LINGO2: variants seen among roughly 807,000 people sequenced by gnomAD.
LINGO2 encodes leucine rich repeat and Ig domain containing 2, also known as leucine-rich repeat and immunoglobulin-like domain-containing nogo receptor-interacting protein 2.
In LINGO2, 14 loss-of-function variants were observed where a neutral mutation model predicts 30.6. The ratio of observed to expected loss-of-function variants is 0.46; its 90% confidence interval spans 0.30 to 0.72. The LOEUF (loss-of-function observed/expected upper bound fraction) is 0.72. Among genes scored for constraint, LINGO2 ranks in the 30% least tolerant of loss-of-function variants. The pLI is 0.07. For missense variants in LINGO2, 729 were observed against 751.7 expected (o/e 0.97, Z 0.35); for synonymous variants, 317 against 288.5 (o/e 1.10, Z -1.00).
the LINGO2 span, among the ~76,000 whole-genome samples, chr9:28,843,054 C>G: frequency 1.3e-5 from 2 of 151,850 alleles, no homozygotes; most frequent in African/African-American, 2.4e-5. Flanking sequence ...TGAACTACGA[C>G]AACTAATGAC....
chr9:28,706,483 A>G, the LINGO2 span, among the ~76,000 whole-genome samples: 1 of 152,182 alleles, frequency 6.6e-6, no homozygotes, highest in African/African-American at 2.4e-5. Context: ...TTTTTCAAAG[A>G]AAAATGGTAG....
In LINGO2 at chr9:28,056,270, C is replaced by T. The variant is rs111850378; in HGVS notation, c.-86-43865G>A. On this transcript the variant is annotated intron_variant, in intron 4 of 5. Coordinates refer to ENST00000379992, the Ensembl canonical transcript of LINGO2. The stretch of plus-strand genomic sequence containing the variant: ...ACTGCACTTGGGGCGTGACTGCCCT[C>T]GGCATTCCTTCTGGGTGGCAGACTC... 2.7e-3 allele frequency among the ~76,000 whole-genome samples: 409 copies of T among 152,210 alleles called. 4 individuals carry two copies. The highest frequency in any genetic ancestry group is 9.5e-3 in the African/African-American group (395 of 41,536).
At chr9:28,553,485 A>C (rs188289990) in intron 1 of LINGO2, among the ~76,000 whole-genome samples, 73 of 152,218 alleles carry the variant, frequency 4.8e-4, no homozygotes, top group African/African-American at 1.7e-3. Flanking sequence ...TCTCCAAGAA[A>C]TATGGGACTA....
the LINGO2 span, among the ~76,000 whole-genome samples, chr9:28,678,896 G>A: frequency 6.6e-6 from 1 of 151,714 alleles, no homozygotes; most frequent in Non-Finnish European, 1.5e-5. Flanking sequence ...TAATTAATCA[G>A]GTAAATAAAT....
At chr9:28,056,167 A>G (rs1824934456) in intron 4 of LINGO2, among the ~76,000 whole-genome samples, 1 of 152,154 alleles carries the variant, frequency 6.6e-6, no homozygotes. Context: ...GGAGCAGGTA[A>G]CGATTGGTCG....
intron 4 of LINGO2, among the ~76,000 whole-genome samples, chr9:28,106,829 A>T (rs1232902159): frequency 6.6e-6 from 1 of 152,210 alleles, no homozygotes; most frequent in Non-Finnish European, 1.5e-5. Context: ...AGAATTACAT[A>T]AAATAGCACA....
chr9:28,973,384 T>G, the LINGO2 span, among the ~76,000 whole-genome samples: 2 of 152,160 alleles, frequency 1.3e-5, no homozygotes, highest in East Asian at 1.9e-4. Context: ...GGTGATATGA[T>G]TTGGCTGTGT....
At chr9:29,159,197 A>T in the LINGO2 span, among the ~76,000 whole-genome samples, 2 of 152,160 alleles carry the variant, frequency 1.3e-5, no homozygotes, top group African/African-American at 4.8e-5. Context: ...AAGCATCAGG[A>T]ATGGGCAGAA....
Position 28,160,757 on chromosome 9 carries a change from C to A in LINGO2, c.-87+134451G>T, listed in dbSNP as rs1001286953. ...GGGAACAGTGTCTGGTAACAGCAGACAATAAATAGTTTCTAGATAAATGAA... is the reference window on the plus strand; with the variant it reads ...GGGAACAGTGTCTGGTAACAGCAGAAAATAAATAGTTTCTAGATAAATGAA... On this transcript the variant is annotated intron_variant, in intron 4 of 5. Transcript: ENST00000379992. Among the ~76,000 whole-genome samples, 5 of 152,140 alleles carry A rather than the reference C, an allele frequency of 3.3e-5. 1 individual carries two copies. Among genetic ancestry groups the A allele is most frequent in the African/African-American group, 1.2e-4 (5 of 41,422 alleles).
intron 3 of LINGO2, among the ~76,000 whole-genome samples, chr9:28,317,077 T>C (rs1426013834): frequency 6.6e-6 from 1 of 152,224 alleles, no homozygotes; most frequent in Admixed American, 6.5e-5. Flanking sequence ...TAGAAATATA[T>C]TCTTTTGTAC....
At chr9:28,994,629 C>A in the LINGO2 span, among the ~76,000 whole-genome samples, 1 of 151,450 alleles carries the variant, frequency 6.6e-6, no homozygotes, top group Non-Finnish European at 1.5e-5. Flanking sequence ...TACTACAAGG[C>A]TACAGTCACC....
At chr9:28,189,897 C>T (rs951140632) in intron 4 of LINGO2, among the ~76,000 whole-genome samples, 1 of 151,692 alleles carries the variant, frequency 6.6e-6, no homozygotes, top group African/African-American at 2.4e-5. Context: ...GTGGTGGGTA[C>T]TGATGGAGAA....
chr9:28,805,748 A>T, the LINGO2 span, among the ~76,000 whole-genome samples: 6 of 152,262 alleles, frequency 3.9e-5, 1 homozygote, highest in Middle Eastern at 0.01. Context: ...GTCCCTGTAC[A>T]GTGTATATTC....
intron 5 of LINGO2, among the ~76,000 whole-genome samples, chr9:27,982,995 C>T (rs1307408961): frequency 1.3e-5 from 2 of 151,670 alleles, no homozygotes; most frequent in South Asian, 2.1e-4. Flanking sequence ...TTATACTTCT[C>T]GGTCACCTTG....
chr9:28,309,968 T>G (rs1278975421), intron 3 of LINGO2, among the ~76,000 whole-genome samples: 1 of 152,244 alleles, frequency 6.6e-6, no homozygotes, highest in South Asian at 2.1e-4. Context: ...GCCACACAGC[T>G]ATTAAATTAA....
the LINGO2 span, among the ~76,000 whole-genome samples, chr9:29,072,778 C>A: frequency 6.6e-6 from 1 of 151,688 alleles, no homozygotes; most frequent in Non-Finnish European, 1.5e-5. Flanking sequence ...AATACGGTAG[C>A]CACTAGTGCA....
the LINGO2 span, among the ~76,000 whole-genome samples, chr9:28,727,145 AT>A: frequency 6.6e-6 from 1 of 152,184 alleles, no homozygotes; most frequent in South Asian, 2.1e-4. Flanking sequence ...TTCTAAAACT[AT>A]AAACTGTTAA....
At chr9:28,020,413 C>T (rs1823054065) in intron 4 of LINGO2, among the ~76,000 whole-genome samples, 1 of 152,138 alleles carries the variant, frequency 6.6e-6, no homozygotes. Context: ...CCTGTCATCC[C>T]AGCTACTCAG....
intron 1 of LINGO2, among the ~76,000 whole-genome samples, chr9:28,665,168 G>T (rs765041920): frequency 4.0e-5 from 6 of 151,540 alleles, no homozygotes; most frequent in Admixed American, 2.6e-4. Context: ...ATTGACAATA[G>T]CTGACATTTA....
Sources: allele counts gnomAD v4.1 joint callset (sites outside exome capture counted in the v4.1 genomes callset), GRCh38; gene constraint gnomAD v4.1.1; transcripts MANE v1.5; gene names NCBI Gene and HGNC (gene_info 2026-07-23, HGNC 2026-07-21).